The following TFDP2 variants were observed in gnomAD, a reference collection of about 807,000 sequenced individuals.
TFDP2 encodes the protein transcription factor Dp-2 (E2F dimerization partner 2).
TFDP2 carries 17 observed loss-of-function variants against 59.3 expected under a neutral mutation model. That is an observed-to-expected ratio of 0.29 (90% CI 0.20 to 0.43). The LOEUF (loss-of-function observed/expected upper bound fraction) is 0.43. TFDP2 is among the 20% of genes least tolerant of loss of function. TFDP2 has a pLI of 1.00. For synonymous variants in TFDP2, 180 were observed against 194.7 expected, an observed-to-expected ratio of 0.92 and a Z score of 0.63; for missense variants, 391 against 528.8, an observed-to-expected ratio of 0.74 and a Z score of 2.56.
chr3:142,037,709 T>C (rs1226420956), intron 3 of TFDP2, among the ~76,000 whole-genome samples: 1 of 152,174 alleles, frequency 6.6e-6, no homozygotes, highest in Admixed American at 6.5e-5. Flanking sequence ...CTTTCTTATC[T>C]GGGACTACAG....
rs1311108135 is a variant in TFDP2 at position 142,069,161 on chromosome 3, G to A, written c.82+23900C>T. Reference sequence around the variant, plus strand: ...GAACTCCTGACCTCGTGATCCACCCGACTTGACCTCCGAAAGTGCTGGGAT... The same window carrying A: ...GAACTCCTGACCTCGTGATCCACCCAACTTGACCTCCGAAAGTGCTGGGAT... On this transcript the variant is annotated intron_variant, in intron 3 of 12. Transcript: ENST00000489671. 3.3e-5 allele frequency among the ~76,000 whole-genome samples: 5 copies of A among 152,038 alleles called. No individual in the cohort carries two copies. In the South Asian group the frequency reaches 6.2e-4, roughly 19 times the overall value.
chr3:142,045,878 C>T (rs1259235105), intron 3 of TFDP2, among the ~76,000 whole-genome samples: 1 of 151,894 alleles, frequency 6.6e-6, no homozygotes, highest in Non-Finnish European at 1.5e-5. Flanking sequence ...CCACCTTGGT[C>T]TCCCAAAGTG....
At chr3:142,123,238 G>C (rs952761933) in intron 1 of TFDP2, among the ~76,000 whole-genome samples, 16 of 152,146 alleles carry the variant, frequency 1.1e-4, no homozygotes, top group African/African-American at 4.8e-5. Context: ...GGGTTCAAGT[G>C]ATTCTCCTGC....
chr3:142,034,770 C>T (rs573298250), intron 3 of TFDP2, among the ~76,000 whole-genome samples: 2 of 147,652 alleles, frequency 1.4e-5, no homozygotes, highest in Admixed American at 1.4e-4. Flanking sequence ...GGCTGGAGTG[C>T]AGTGGCGCAA....
chr3:142,105,812 G>A (rs1317984035), intron 1 of TFDP2, among the ~76,000 whole-genome samples: 3 of 152,088 alleles, frequency 2.0e-5, no homozygotes, highest in South Asian at 2.1e-4. Context: ...AAGCCAAAGC[G>A]CATGGATTTC....
intron 6 of TFDP2, chr3:141,989,480 T>C (rs1014712779): frequency 2.6e-5 from 4 of 152,250 alleles, no homozygotes; most frequent in Admixed American, 2.6e-4. Flanking sequence ...AAGCAGGCAG[T>C]TGTTTCCCTG....
At chr3:142,028,594 A>C (rs1946266310) in intron 3 of TFDP2, 2 of 985,302 alleles carry the variant, frequency 2.0e-6, no homozygotes, top group African/African-American at 1.7e-5. Flanking sequence ...CTAAGGAAGC[A>C]TGCCTCTCAC....
chr3:142,061,892 A>T (rs61663457), intron 3 of TFDP2, among the ~76,000 whole-genome samples: 185 of 1,646 alleles, frequency 0.11, 1 homozygote, highest in Middle Eastern at 0.17. Context: ...CTCTCTCTAC[A>T]CACACACACA....
chr3:142,042,390 C>A (rs914301364), intron 3 of TFDP2, among the ~76,000 whole-genome samples: 2 of 151,766 alleles, frequency 1.3e-5, no homozygotes, highest in Non-Finnish European at 2.9e-5. Context: ...CTCTTGGGTT[C>A]AAGTGATTCT....
chr3:141,949,768 C>T lies in TFDP2; in HGVS notation c.*2745G>A, dbSNP rs138988081. The T allele has an allele frequency of 4.1e-5, 6 of 148,148 alleles. No homozygotes were observed. The highest frequency in any genetic ancestry group is 7.4e-5 in the Non-Finnish European group (5 of 67,874). 9.2% of individuals were successfully genotyped at this position (148,148 alleles called of 1,614,324 possible). On this transcript the variant is annotated 3_prime_UTR_variant, in exon 13 of 13. Transcript: ENST00000489671. ...GTGTGGCAAGTAACCCAGCGTGCCA[C>T]TATAACAAAGAAGCCTGGGCATTGT...
intron 1 of TFDP2, among the ~76,000 whole-genome samples, chr3:142,132,744 CA>C (rs199517533): frequency 0.026 from 1,578 of 61,520 alleles, 10 homozygotes; most frequent in Middle Eastern, 0.15. Flanking sequence ...GACGCTATCT[CA>C]AAAAAAAAAA....
rs967610611 is a variant in TFDP2, at chr3:142,043,387, T to C, written c.83-37843A>G. 3.4e-5 allele frequency among the ~76,000 whole-genome samples: 5 copies of C among 148,670 alleles called. No homozygotes were observed. The Admixed American group carries it at 3.4e-4, about 10-fold the overall frequency. ...TATTTATTTATTTATTTTTGGAGACTGAGTCTCACTCTATCACCCAGGCTG... is the reference window on the plus strand; with the variant it reads ...TATTTATTTATTTATTTTTGGAGACCGAGTCTCACTCTATCACCCAGGCTG... On this transcript the variant is annotated intron_variant, in intron 3 of 12. Coordinates refer to ENST00000489671, the MANE Select transcript of TFDP2 (RefSeq NM_001178139.2).
chr3:141,982,613 T>C lies in TFDP2; in HGVS notation c.357-3931A>G, dbSNP rs905109743. On this transcript the variant is annotated intron_variant, in intron 6 of 12. Coordinates refer to ENST00000489671, the MANE Select transcript of TFDP2 (RefSeq NM_001178139.2). ...TGTTAAAGGCAGCAATAAGATAGGG[T>C]GGTTTCGGGCAATCACTTAGCTAAT... 3.3e-5 allele frequency among the ~76,000 whole-genome samples: 5 copies of C among 152,140 alleles called. No homozygotes were observed. In the East Asian group the frequency reaches 9.6e-4, roughly 29 times the overall value.
intron 1 of TFDP2, among the ~76,000 whole-genome samples, chr3:142,120,689 T>C (rs2062017401): frequency 6.6e-6 from 1 of 152,166 alleles, no homozygotes; most frequent in African/African-American, 2.4e-5. Flanking sequence ...TAATAAGATG[T>C]AAAGAGAACT....
At chr3:141,969,937 A>G in intron 9 of TFDP2, 136 bp downstream of exon 9, 1 of 790,336 alleles carries the variant, frequency 1.3e-6, no homozygotes, top group Non-Finnish European at 2.2e-6. Context: ...GCAACAAGCT[A>G]GGAGGTGAGA....
chr3:141,971,063 G>GA (rs879436749), intron 8 of TFDP2, among the ~76,000 whole-genome samples: 4,239 of 123,746 alleles, frequency 0.034, 181 homozygotes, highest in African/African-American at 0.1. Flanking sequence ...GTCTCAAAAA[G>GA]AAAAAAAAAA....
At chr3:142,132,003 C>CAAA (rs56004449) in intron 1 of TFDP2, among the ~76,000 whole-genome samples, 1 of 83,426 alleles carries the variant, frequency 1.2e-5, no homozygotes, top group African/African-American at 5.5e-5. Flanking sequence ...GACTCCGTCT[C>CAAA]AAAAAAAAAA....
chr3:142,094,375 G>C (rs1402245100), intron 2 of TFDP2, among the ~76,000 whole-genome samples: 1 of 151,344 alleles, frequency 6.6e-6, no homozygotes, highest in Non-Finnish European at 1.5e-5. Flanking sequence ...CACCATCTTG[G>C]CTCACTGCAA....
intron 1 of TFDP2, chr3:142,126,451 CT>C (rs1306895358): frequency 6.6e-6 from 1 of 151,954 alleles, no homozygotes; most frequent in Non-Finnish European, 1.5e-5. Flanking sequence ...TATTTTTCCT[CT>C]TCTTTATGTC....
Sources: allele counts gnomAD v4.1 joint callset (sites outside exome capture counted in the v4.1 genomes callset), GRCh38; gene constraint gnomAD v4.1.1; transcripts MANE v1.5; gene names NCBI Gene and HGNC (gene_info 2026-07-23, HGNC 2026-07-21).